The following EDIL3 variants were observed in gnomAD, a reference collection of about 807,000 sequenced individuals.
EDIL3 encodes EGF like and discoidin domains 3.
A neutral mutation model predicts 67.4 loss-of-function variants in EDIL3; 37 were observed. That is an observed-to-expected ratio of 0.55 (90% CI 0.42 to 0.72). The LOEUF (loss-of-function observed/expected upper bound fraction) is 0.72, where lower values mean the gene tolerates loss of function less well. Ranked by LOEUF, EDIL3 falls within the 30% of genes least tolerant of loss-of-function variation. The pLI is 0.00. For missense variants in EDIL3, 527 were observed against 586.3 expected, an observed-to-expected ratio of 0.90 and a Z score of 1.04; for synonymous variants, 195 against 196.3, an observed-to-expected ratio of 0.99 and a Z score of 0.05.
chr5:84,224,747 T>G (rs138182278), intron 3 of EDIL3, among the ~76,000 whole-genome samples: 1 of 151,542 alleles, frequency 6.6e-6, no homozygotes, highest in Non-Finnish European at 1.5e-5. Context: ...CAAAGTCAGA[T>G]AAATATAGTA....
intron 6 of EDIL3, among the ~76,000 whole-genome samples, chr5:84,089,092 T>G (rs559298609): frequency 1.3e-5 from 2 of 152,280 alleles, no homozygotes; most frequent in African/African-American, 4.8e-5. Flanking sequence ...AAACTTCATT[T>G]AGAAGTTCCC....
chr5:84,312,167 G>A (rs549756832), intron 1 of EDIL3, among the ~76,000 whole-genome samples: 146 of 150,882 alleles, frequency 9.7e-4, no homozygotes, highest in African/African-American at 3.5e-3. Flanking sequence ...CTCCCGGACC[G>A]GGCAGCTGGC....
intron 8 of EDIL3, among the ~76,000 whole-genome samples, chr5:84,064,379 A>G (rs879770976): frequency 3.3e-5 from 5 of 152,190 alleles, no homozygotes; most frequent in South Asian, 4.1e-4. Context: ...TTTGTCGGAA[A>G]ACATAGATCA....
intron 1 of EDIL3, among the ~76,000 whole-genome samples, chr5:84,258,640 C>T (rs751844227): frequency 4.1e-4 from 63 of 152,200 alleles, no homozygotes; most frequent in Non-Finnish European, 6.8e-4. Context: ...ACCCACAAAC[C>T]CCTCTCACTC....
chr5:84,136,456 A>G (rs933389467), intron 5 of EDIL3, among the ~76,000 whole-genome samples: 1 of 152,064 alleles, frequency 6.6e-6, no homozygotes, highest in Non-Finnish European at 1.5e-5. Flanking sequence ...TAGTCCTGTT[A>G]CTACTTTTTT....
chr5:84,116,095 A>G (rs1015530694), intron 5 of EDIL3, among the ~76,000 whole-genome samples: 5 of 150,428 alleles, frequency 3.3e-5, no homozygotes, highest in African/African-American at 1.2e-4. Context: ...ATTACCAGCT[A>G]TATCTAGTTA....
intron 5 of EDIL3, among the ~76,000 whole-genome samples, chr5:84,125,028 A>G (rs1201717638): frequency 6.6e-6 from 1 of 152,032 alleles, no homozygotes; most frequent in Non-Finnish European, 1.5e-5. Flanking sequence ...TTGATCATTC[A>G]TGAAGACAAG....
rs561280534 is a variant in EDIL3 at position 84,059,569 on chromosome 5, T to A, written c.1137+731A>T. 2.0e-5 allele frequency among the ~76,000 whole-genome samples: 3 copies of A among 152,286 alleles called. No individual in the cohort carries two copies. In the South Asian group the frequency reaches 6.3e-4, roughly 32 times the overall value. On this transcript the variant is annotated intron_variant, in intron 9 of 10. Coordinates refer to ENST00000296591, the MANE Select transcript of EDIL3 (RefSeq NM_005711.5). ...TTTCTGGGAATGCAATGAACTACTATAGTTTTTAAACTCATGAATACAGCA... is the reference window on the plus strand; with the variant it reads ...TTTCTGGGAATGCAATGAACTACTAAAGTTTTTAAACTCATGAATACAGCA...
chr5:84,230,022 GC>G, intron 2 of EDIL3, 138 bp from the exon 3 acceptor site: 1 of 720,254 alleles, frequency 1.4e-6, no homozygotes, highest in South Asian at 2.6e-5. Flanking sequence ...CTAACTACAA[GC>G]CCCTGACTTG....
intron 10 of EDIL3, among the ~76,000 whole-genome samples, chr5:83,954,679 T>G (rs778947929): frequency 2.6e-5 from 4 of 151,744 alleles, no homozygotes; most frequent in Non-Finnish European, 4.4e-5. Context: ...AGGCATTCCT[T>G]AATCGTAACA....
chr5:84,179,914 T>C (rs1209471728), intron 4 of EDIL3, among the ~76,000 whole-genome samples: 1 of 152,132 alleles, frequency 6.6e-6, no homozygotes, highest in Non-Finnish European at 1.5e-5. Context: ...GCAGGTAGCA[T>C]ACTTATTGAG....
At chr5:84,131,171 T>G (rs990930744) in intron 5 of EDIL3, among the ~76,000 whole-genome samples, 1 of 152,148 alleles carries the variant, frequency 6.6e-6, no homozygotes, top group Admixed American at 6.6e-5. Flanking sequence ...ATAACAGTTA[T>G]TGACCTAGGT....
intron 3 of EDIL3, among the ~76,000 whole-genome samples, chr5:84,204,858 A>G (rs1743927767): frequency 6.7e-6 from 1 of 149,290 alleles, no homozygotes; most frequent in African/African-American, 2.5e-5. Context: ...CTGCTTTTTT[A>G]TAATTTTTAA....
intron 9 of EDIL3, among the ~76,000 whole-genome samples, chr5:84,022,940 A>C (rs1473010230): frequency 6.6e-6 from 1 of 152,018 alleles, no homozygotes; most frequent in Non-Finnish European, 1.5e-5. Context: ...AAACACTCAA[A>C]GTAATGGACA....
intron 1 of EDIL3, among the ~76,000 whole-genome samples, chr5:84,263,324 G>A (rs1329666471): frequency 1.3e-5 from 2 of 152,176 alleles, no homozygotes; most frequent in East Asian, 3.9e-4. Flanking sequence ...AAGAAGTACT[G>A]TCTTGCTTTA....
At chr5:84,085,788 C>T (rs1040621405) in intron 6 of EDIL3, among the ~76,000 whole-genome samples, 3 of 152,164 alleles carry the variant, frequency 2.0e-5, no homozygotes, top group Non-Finnish European at 2.9e-5. Flanking sequence ...TGAAGCTGTG[C>T]CTGCAGCTGC....
At chr5:84,195,101 T>C (rs146146450) in intron 3 of EDIL3, among the ~76,000 whole-genome samples, 37 of 152,060 alleles carry the variant, frequency 2.4e-4, no homozygotes, top group African/African-American at 8.9e-4. Flanking sequence ...GATCACAATG[T>C]CACCATCTGA....
intron 3 of EDIL3, among the ~76,000 whole-genome samples, chr5:84,203,437 CA>C (rs1743888370): frequency 6.6e-6 from 1 of 152,166 alleles, no homozygotes; most frequent in Non-Finnish European, 1.5e-5. Flanking sequence ...CTAAGTCATA[CA>C]GGTAAATTAA....
chr5:84,231,965 A>T (rs1744588873), intron 2 of EDIL3, among the ~76,000 whole-genome samples: 1 of 152,180 alleles, frequency 6.6e-6, no homozygotes, highest in African/African-American at 2.4e-5. Flanking sequence ...TGAGATGAAA[A>T]TATTTCTCAT....
Sources: gnomAD v4.1 joint callset for allele counts (sites outside exome capture counted in the v4.1 genomes callset) on GRCh38, gnomAD v4.1.1 for gene constraint, MANE v1.5 for transcripts, NCBI Gene and HGNC (gene_info 2026-07-23, HGNC 2026-07-21) for gene names.